ARHGAP25: variants seen among roughly 807,000 people sequenced by gnomAD.
The protein encoded by ARHGAP25 is Rho GTPase activating protein 25.
Under a neutral mutation model 71.0 loss-of-function variants are expected in ARHGAP25, and 34 were observed. The ratio of observed to expected loss-of-function variants is 0.48; its 90% confidence interval spans 0.36 to 0.64. The LOEUF (loss-of-function observed/expected upper bound fraction) is 0.64, where lower values mean the gene tolerates loss of function less well. Ranked by LOEUF, ARHGAP25 falls within the 30% of genes least tolerant of loss-of-function variation. The probability of loss-of-function intolerance (pLI) is 0.00; values close to 1 mark genes in which losing one functional copy is unlikely to be tolerated. For synonymous variants in ARHGAP25, 282 were observed against 296.5 expected, an observed-to-expected ratio of 0.95 and a Z score of 0.50; for missense variants, 706 against 805.1, an observed-to-expected ratio of 0.88 and a Z score of 1.49.
chr2:68,738,336 T>C (rs2104283984), intron 1 of ARHGAP25, among the ~76,000 whole-genome samples: 1 of 152,320 alleles, frequency 6.6e-6, no homozygotes, highest in South Asian at 2.1e-4. Context: ...GCCAGTCTAC[T>C]TGAGCACATT....
intron 2 of ARHGAP25, among the ~76,000 whole-genome samples, chr2:68,716,431 C>A (rs531060140): frequency 6.6e-6 from 1 of 152,192 alleles, no homozygotes; most frequent in Non-Finnish European, 1.5e-5. Context: ...CATTTTGTGG[C>A]TTCTTCCAAA....
At chr2:68,810,449 C>T (rs1265677337) in intron 5 of ARHGAP25, among the ~76,000 whole-genome samples, 1 of 152,100 alleles carries the variant, frequency 6.6e-6, no homozygotes, top group Non-Finnish European at 1.5e-5. Flanking sequence ...GTTAGCAAGG[C>T]CCAGCAGTGG....
chr2:68,823,436 G>A (rs1216139866), intron 10 of ARHGAP25, among the ~76,000 whole-genome samples: 2 of 152,200 alleles, frequency 1.3e-5, no homozygotes, highest in Admixed American at 1.3e-4. Context: ...TGTAAAATAG[G>A]GGGGTCAGGG....
intron 1 of ARHGAP25, among the ~76,000 whole-genome samples, chr2:68,764,219 T>C (rs902556539): frequency 6.6e-6 from 1 of 152,224 alleles, no homozygotes; most frequent in Non-Finnish European, 1.5e-5. Context: ...TGTTGCCAAG[T>C]AGTATTGCGC....
chr2:68,800,446 G>A (rs1470849066), intron 4 of ARHGAP25, among the ~76,000 whole-genome samples: 2 of 152,118 alleles, frequency 1.3e-5, no homozygotes, highest in African/African-American at 2.4e-5. Flanking sequence ...GCAGTTACTA[G>A]TGTGGTAGTG....
chr2:68,755,914 G>A (rs4637161), intron 1 of ARHGAP25, among the ~76,000 whole-genome samples: 13,700 of 152,186 alleles, frequency 0.09, 705 homozygotes, highest in Non-Finnish European at 0.11. Flanking sequence ...TATAAAACAT[G>A]TTATTTTATG....
chr2:68,742,661 G>C (rs189003903), intron 1 of ARHGAP25, among the ~76,000 whole-genome samples: 1 of 152,206 alleles, frequency 6.6e-6, no homozygotes, highest in African/African-American at 2.4e-5. Context: ...TCTGATATCA[G>C]CTCCTTTGAA....
chr2:68,784,856 G>T (rs1010237656), intron 3 of ARHGAP25, among the ~76,000 whole-genome samples: 1 of 152,184 alleles, frequency 6.6e-6, no homozygotes, highest in Admixed American at 6.5e-5. Context: ...AGCAATTATG[G>T]GGAAAATTAA....
intron 2 of ARHGAP25, among the ~76,000 whole-genome samples, chr2:68,719,566 G>A (rs757827597): frequency 2.6e-5 from 4 of 151,810 alleles, no homozygotes; most frequent in Non-Finnish European, 5.9e-5. Flanking sequence ...TACATGTAAA[G>A]GAACACATTC....
At chr2:68,817,671 A>G (rs1450186125) in intron 7 of ARHGAP25, among the ~76,000 whole-genome samples, 1 of 152,134 alleles carries the variant, frequency 6.6e-6, no homozygotes, top group Non-Finnish European at 1.5e-5. Context: ...GCAGCTGGGC[A>G]GGACCCTCCT....
chr2:68,816,585 C>G lies in ARHGAP25; in HGVS notation c.881+223C>G. On this transcript the variant is annotated intron_variant, in intron 7 of 10. Transcript: ENST00000409202. ...AACGTGCTCCCCCATTTAGGCCTGC[C>G]TCAGCACTGCCCAGAGTCCTGGTAC... 3 of 537,626 alleles carry G rather than the reference C, an allele frequency of 5.6e-6. No individual in the cohort carries two copies. In the East Asian group the frequency reaches 9.8e-5, roughly 18 times the overall value. 33.3% of individuals were successfully genotyped at this position (537,626 alleles called of 1,614,324 possible). A position where few individuals can be genotyped will look rare whatever the true frequency, so the allele number is the denominator to read the frequency against.
intron 7 of ARHGAP25, chr2:68,816,830 A>T (rs1681265148): frequency 6.5e-6 from 1 of 153,408 alleles, no homozygotes. Flanking sequence ...TTCATCCCAG[A>T]CTGACCTGAA....
chr2:68,719,401 C>T (rs1396533204), intron 2 of ARHGAP25, among the ~76,000 whole-genome samples: 6 of 141,556 alleles, frequency 4.2e-5, no homozygotes, highest in Admixed American at 7.4e-5. Context: ...GGACACCCAG[C>T]TGGTATCAGG....
At chr2:68,745,740 C>T (rs569400873) in intron 1 of ARHGAP25, among the ~76,000 whole-genome samples, 5 of 152,288 alleles carry the variant, frequency 3.3e-5, no homozygotes, top group Non-Finnish European at 7.4e-5. Flanking sequence ...ATAGCTGAGA[C>T]TGGATAATTT....
chr2:68,776,405 A>G (rs1486250869), intron 2 of ARHGAP25, among the ~76,000 whole-genome samples: 5 of 152,242 alleles, frequency 3.3e-5, no homozygotes, highest in Non-Finnish European at 7.3e-5. Flanking sequence ...ACTGTGCTCA[A>G]AAATAGAGCC....
At chr2:68,805,370 C>T (rs946496444) in intron 4 of ARHGAP25, among the ~76,000 whole-genome samples, 4 of 152,032 alleles carry the variant, frequency 2.6e-5, no homozygotes, top group Non-Finnish European at 5.9e-5. Flanking sequence ...AAACGAACAA[C>T]AGCCAAGCAG....
At position 68,801,999 on chromosome 2, in the gene ARHGAP25, T is replaced by C. The variant is rs531908441; in HGVS notation, c.467-5274T>C. Reference sequence around the variant, plus strand: ...AAATGCTCAGCCTACATTTGTTGAATGACTTTGTGAATTCTGGTGGAAGGA... The same window carrying C: ...AAATGCTCAGCCTACATTTGTTGAACGACTTTGTGAATTCTGGTGGAAGGA... On this transcript the variant is annotated intron_variant, in intron 4 of 10. Coordinates refer to ENST00000409202, the MANE Select transcript of ARHGAP25 (RefSeq NM_001007231.3). 7.9e-5 allele frequency among the ~76,000 whole-genome samples: 12 copies of C among 152,338 alleles called. 1 individual carries two copies. In the South Asian group the frequency reaches 2.5e-3, roughly 32 times the overall value.
Position 68,781,115 on chromosome 2 carries a change from C to T in ARHGAP25, c.262-1118C>T, listed in dbSNP as rs552009410. ...TGAATTATCTCAAGTGGGCCAGGCA[C>T]GGTGGCTCATGCCTGTAATCCCAGC... On this transcript the variant is annotated intron_variant, in intron 2 of 10. Transcript: ENST00000409202. 8.5e-5 allele frequency among the ~76,000 whole-genome samples: 13 copies of T among 152,146 alleles called. No homozygotes were observed. In the South Asian group the frequency reaches 1.0e-3, roughly 12 times the overall value.
chr2:68,819,088 C>T (rs1193873184), intron 8 of ARHGAP25, 35 bp from the exon 9 acceptor site: 3 of 1,502,766 alleles, frequency 2.0e-6, no homozygotes, highest in East Asian at 2.3e-5. Context: ...CTGCCTCCTA[C>T]ACTACACAAC....
Sources: gnomAD v4.1 joint callset for allele counts (sites outside exome capture counted in the v4.1 genomes callset) on GRCh38, gnomAD v4.1.1 for gene constraint, MANE v1.5 for transcripts, NCBI Gene and HGNC (gene_info 2026-07-23, HGNC 2026-07-21) for gene names.